PFKFB3: variants seen among roughly 807,000 people sequenced by gnomAD.
PFKFB3 encodes 6-phosphofructo-2-kinase/fructose-2,6-biphosphatase 3.
PFKFB3 carries 33 observed loss-of-function variants against 68.0 expected under a neutral mutation model. The observed-to-expected ratio is 0.49, with a 90% CI of 0.37 to 0.65. The LOEUF (loss-of-function observed/expected upper bound fraction) is 0.65, where lower values mean the gene tolerates loss of function less well. Among genes scored for constraint, PFKFB3 ranks in the 30% least tolerant of loss-of-function variants. The pLI, the probability that PFKFB3 is intolerant of heterozygous loss-of-function variation, is 0.00. For missense variants in PFKFB3, 586 were observed against 712.2 expected, an observed-to-expected ratio of 0.82 and a Z score of 2.02; for synonymous variants, 315 against 288.2, an observed-to-expected ratio of 1.09 and a Z score of -0.94.
intron 1 of PFKFB3, among the ~76,000 whole-genome samples, chr10:6,145,676 C>T (rs1449632876): frequency 6.6e-6 from 1 of 152,208 alleles, no homozygotes; most frequent in Non-Finnish European, 1.5e-5. Context: ...CCCCAGTTGC[C>T]TCCTGGGCAA....
Position 6,184,081 on chromosome 10 carries a change from C to G in PFKFB3, c.17-29542C>G, listed in dbSNP as rs142025228. On this transcript the variant is annotated intron_variant, in intron 1 of 14. Transcript: ENST00000379789. ...TTTTATTTTATTTTTGAGACAGAAT[C>G]TTGCTCTGTTGCCCAGACTGGAGTG... Among the ~76,000 whole-genome samples, 470 of 151,228 alleles carry G rather than the reference C, an allele frequency of 3.1e-3. 3 individuals carry two copies. The highest frequency in any genetic ancestry group is 0.011 in the African/African-American group (441 of 41,142).
intron 1 of PFKFB3, among the ~76,000 whole-genome samples, chr10:6,205,327 C>T (rs1338634118): frequency 6.6e-6 from 1 of 151,198 alleles, no homozygotes; most frequent in Non-Finnish European, 1.5e-5. Context: ...GGTATCTTTC[C>T]TGACACCCTC....
At chr10:6,221,548 A>G in intron 9 of PFKFB3, 21 bp downstream of exon 9, 3 of 1,612,668 alleles carry the variant, frequency 1.9e-6, no homozygotes, top group Non-Finnish European at 2.5e-6. Context: ...GGAGGCGGGC[A>G]GGCAGCCTCA....
At position 6,222,941 on chromosome 10, in the gene PFKFB3, C is replaced by T. The variant is rs139855095; in HGVS notation, c.1170C>T (p.Ala390=). The T allele has an allele frequency of 1.1e-5, 18 of 1,613,798 alleles. No individual in the cohort carries two copies. Among genetic ancestry groups the T allele is most frequent in the African/African-American group, 2.7e-5 (2 of 75,026 alleles). ...QENVLVICHQ[A]VLRCLLAYFL... Reference sequence around the variant, plus strand: ...ATGTGCTGGTCATCTGCCACCAGGCCGTCCTGCGCTGCCTGCTTGCCTACT... The same window carrying T: ...ATGTGCTGGTCATCTGCCACCAGGCTGTCCTGCGCTGCCTGCTTGCCTACT... Residue 390 remains alanine, a synonymous_variant, in exon 11 of 15, where the codon GCC becomes GCT. Coordinates refer to ENST00000379775, the MANE Select transcript of PFKFB3 (RefSeq NM_004566.4).
At position 6,221,627 on chromosome 10, in the gene PFKFB3, C is replaced by A; in HGVS notation, c.979-14C>A. The A allele has an allele frequency of 6.2e-7, 1 of 1,609,854 alleles. No individual in the cohort carries two copies. Among genetic ancestry groups the A allele is most frequent in the Non-Finnish European group, 8.5e-7 (1 of 1,178,244 alleles). ...TGTGGTTTGTTCCCCTGAGTGACCA[C>A]TGGGTCCCCGCAGGGCGTCTGTGAG... is the stretch of plus-strand genomic sequence containing the variant. On this transcript the variant is annotated splice_polypyrimidine_tract_variant and intron_variant, in intron 9 of 14. Transcript: ENST00000379775.
chr10:6,186,484 A>C (rs772073122), intron 1 of PFKFB3, among the ~76,000 whole-genome samples: 6 of 152,224 alleles, frequency 3.9e-5, no homozygotes, highest in Non-Finnish European at 7.3e-5. Flanking sequence ...CCCCACATAA[A>C]GTGAAATTCA....
rs1316078891 is a variant in PFKFB3 at position 6,177,425 on chromosome 10, C to CT, written c.16+32415dup. On this transcript the variant is annotated intron_variant, in intron 1 of 14. Coordinates refer to the PFKFB3 transcript ENST00000379789. ...CTTTCTTTCTTCTTTCTCTTTCTTC[C>CT]TTTCTTTTCTTTCTCTTTCTTTCTT... Among the ~76,000 whole-genome samples, 35 of 77,144 alleles carry CT rather than the reference C, an allele frequency of 4.5e-4. 1 individual carries two copies. The highest frequency in any genetic ancestry group is 6.5e-3 in the Middle Eastern group (1 of 154). The allele number at this position is 77,144 out of a possible 152,430, so 50.6% of individuals were successfully genotyped here. A position where few individuals can be genotyped will look rare whatever the true frequency, so the allele number is the denominator to read the frequency against.
At chr10:6,205,228 C>T (rs1325405312) in intron 1 of PFKFB3, among the ~76,000 whole-genome samples, 1 of 152,196 alleles carries the variant, frequency 6.6e-6, no homozygotes, top group Non-Finnish European at 1.5e-5. Context: ...GGGTATCGCA[C>T]ATCCTTATTT....
intron 1 of PFKFB3, among the ~76,000 whole-genome samples, chr10:6,179,382 TC>T (rs1842638589): frequency 6.6e-6 from 1 of 152,218 alleles, no homozygotes; most frequent in East Asian, 1.9e-4. Flanking sequence ...ATCATCCAAA[TC>T]CTTTATTTTC....
At chr10:6,267,652 C>T in the PFKFB3 span, among the ~76,000 whole-genome samples, 1 of 152,078 alleles carries the variant, frequency 6.6e-6, no homozygotes, top group Non-Finnish European at 1.5e-5. Context: ...TCTCAAACAT[C>T]AGTTCAAAGA....
chr10:6,196,343 T>C (rs1843175493), intron 1 of PFKFB3, among the ~76,000 whole-genome samples: 1 of 152,082 alleles, frequency 6.6e-6, no homozygotes, highest in African/African-American at 2.4e-5. Flanking sequence ...GTCAGGGTTC[T>C]GTAGAGGGAC....
chr10:6,179,035 A>G (rs1842623327), intron 1 of PFKFB3, among the ~76,000 whole-genome samples: 1 of 152,250 alleles, frequency 6.6e-6, no homozygotes, highest in Admixed American at 6.5e-5. Flanking sequence ...TCGTTCTAAA[A>G]ATGAAAGGCA....
the PFKFB3 span, among the ~76,000 whole-genome samples, chr10:6,285,846 A>C: frequency 6.6e-6 from 1 of 152,116 alleles, no homozygotes; most frequent in Non-Finnish European, 1.5e-5. Context: ...TTCACTTAGC[A>C]TAATGTTCTC....
chr10:6,283,325 T>C, the PFKFB3 span, among the ~76,000 whole-genome samples: 1 of 152,164 alleles, frequency 6.6e-6, no homozygotes, highest in African/African-American at 2.4e-5. Flanking sequence ...GGTGTGCGTA[T>C]GGGGGCAGGT....
the PFKFB3 span, among the ~76,000 whole-genome samples, chr10:6,292,780 G>A: frequency 6.6e-6 from 1 of 152,142 alleles, no homozygotes; most frequent in East Asian, 1.9e-4. Flanking sequence ...CTCACACAAA[G>A]CTAAGCCTGT....
rs750543692 is a variant in PFKFB3, at chr10:6,229,175, G to C, written c.1515+2810G>C. 1.9e-6 allele frequency: 1 copy of C among 525,692 alleles called. No homozygotes were observed. The highest frequency in any genetic ancestry group is 3.9e-6 in the Non-Finnish European group (1 of 256,026). The allele number at this position is 525,692 out of a possible 1,614,324, so 32.6% of individuals were successfully genotyped here. ...AAAAGAATGACTGGCTTTGGAAATGGGAGAGGTTTGGCATGGCGCTCAGAT... is the reference window on the plus strand; with the variant it reads ...AAAAGAATGACTGGCTTTGGAAATGCGAGAGGTTTGGCATGGCGCTCAGAT... On this transcript the variant is annotated intron_variant, in intron 14 of 14. Transcript: ENST00000379775. The surrounding 1 kb of genome is among the most constrained non-coding windows in gnomAD (Gnocchi z 4.3).
At chr10:6,260,231 T>G in the PFKFB3 span, among the ~76,000 whole-genome samples, 3 of 151,758 alleles carry the variant, frequency 2.0e-5, no homozygotes, top group Non-Finnish European at 4.4e-5. Flanking sequence ...GGCTAACACG[T>G]GAAACCCCGT....
intron 14 of PFKFB3, among the ~76,000 whole-genome samples, chr10:6,248,166 G>A (rs1295907673): frequency 6.6e-6 from 1 of 152,158 alleles, no homozygotes; most frequent in East Asian, 1.9e-4. Flanking sequence ...TTCTTTCACT[G>A]TTATTGTTGT....
downstream of PFKFB3, among the ~76,000 whole-genome samples, chr10:6,237,456 T>C (rs180986381): frequency 6.6e-6 from 1 of 152,354 alleles, no homozygotes; most frequent in East Asian, 1.9e-4. Context: ...AGAAAGGAAA[T>C]GTGAGCAAAG....
Sources: allele counts gnomAD v4.1 joint callset (sites outside exome capture counted in the v4.1 genomes callset), GRCh38; gene constraint gnomAD v4.1.1; non-coding constraint Gnocchi (gnomAD v3.1); transcripts MANE v1.5; gene names NCBI Gene and HGNC (gene_info 2026-07-23, HGNC 2026-07-21).